PRSS23: variants seen among roughly 807,000 people sequenced by gnomAD.
The protein encoded by PRSS23 is serine protease 23.
Under a neutral mutation model 34.7 loss-of-function variants are expected in PRSS23, and 25 were observed. The ratio of observed to expected loss-of-function variants is 0.72; its 90% CI spans 0.53 to 1.01. The LOEUF (loss-of-function observed/expected upper bound fraction) is 1.01. PRSS23 is among the 50% of genes least tolerant of loss of function. PRSS23 has a pLI of 0.00. For missense variants in PRSS23, 445 were observed against 475.6 expected, an observed-to-expected ratio of 0.94 and a Z score of 0.60; for synonymous variants, 176 against 186.6, an observed-to-expected ratio of 0.94 and a Z score of 0.46.
At chr11:86,898,688 C>T (rs1418309993) in intron 2 of PRSS23, among the ~76,000 whole-genome samples, 2 of 152,156 alleles carry the variant, frequency 1.3e-5, no homozygotes, top group Non-Finnish European at 2.9e-5. Flanking sequence ...GTGCTGAGAC[C>T]ACACAAAGAA....
intron 2 of PRSS23, among the ~76,000 whole-genome samples, chr11:86,907,071 G>A (rs1948948294): frequency 6.6e-6 from 1 of 152,106 alleles, no homozygotes; most frequent in Non-Finnish European, 1.5e-5. Flanking sequence ...TACATCCAGG[G>A]GACAGAATAC....
chr11:86,879,273 C>T (rs534038119), intron 2 of PRSS23, among the ~76,000 whole-genome samples: 5 of 149,210 alleles, frequency 3.4e-5, no homozygotes, highest in East Asian at 4.2e-4. Flanking sequence ...TACCCAGCTG[C>T]GACCCCGTCT....
In PRSS23 at chr11:86,808,672, C is replaced by A. The variant is rs768719925; in HGVS notation, c.1029C>A (p.His343Gln). The change falls in exon 2 of 2, where the codon CAC (histidine) becomes CAA (glutamine). Residue 343 changes from histidine to glutamine, a missense_variant. Transcript: ENST00000280258. Reference sequence around the variant, plus strand: ...AAATTATTGGCATTTTTTCAGGGCACCAGTGGGTGGACATGAATGGTTCCC... The same window carrying A: ...AAATTATTGGCATTTTTTCAGGGCAACAGTGGGTGGACATGAATGGTTCCC... The part of the protein sequence containing the change: ...ERKIIGIFSG[H>Q]QWVDMNGSPQ... The A allele has an allele frequency of 1.2e-6, 2 of 1,614,094 alleles. No individual in the cohort carries two copies. Among genetic ancestry groups the A allele is most frequent in the Non-Finnish European group, 1.7e-6 (2 of 1,180,024 alleles).
chr11:86,876,170 A>G (rs894913754), intron 2 of PRSS23, among the ~76,000 whole-genome samples: 4 of 148,736 alleles, frequency 2.7e-5, no homozygotes, highest in Non-Finnish European at 5.9e-5. Flanking sequence ...AGAAGATTGC[A>G]TAGTGGCGGG....
chr11:86,820,948 C>T (rs539780633), intron 1 of PRSS23, among the ~76,000 whole-genome samples: 2 of 152,256 alleles, frequency 1.3e-5, no homozygotes, highest in Admixed American at 6.5e-5. Context: ...CCATGAGTGC[C>T]ACACTGGTGA....
At chr11:86,940,130 C>T (rs1049142818) in intron 2 of PRSS23, among the ~76,000 whole-genome samples, 3 of 152,116 alleles carry the variant, frequency 2.0e-5, no homozygotes, top group African/African-American at 4.8e-5. Flanking sequence ...CTAAATGCTA[C>T]CCTCTCCTCC....
At chr11:86,889,659 T>A (rs535714671) in intron 2 of PRSS23, among the ~76,000 whole-genome samples, 1 of 152,328 alleles carries the variant, frequency 6.6e-6, no homozygotes, top group Non-Finnish European at 1.5e-5. Context: ...TTGTGGATTA[T>A]GGTTCAACAT....
At chr11:86,812,464 G>C (rs1948185554), downstream of PRSS23, among the ~76,000 whole-genome samples, 1 of 152,206 alleles carries the variant, frequency 6.6e-6, no homozygotes, top group Admixed American at 6.5e-5. Context: ...CCCCCCGGAG[G>C]AGGAAATAAA....
intron 2 of PRSS23, chr11:86,908,860 C>T (rs1196174345): frequency 6.6e-6 from 1 of 152,058 alleles, no homozygotes; most frequent in Non-Finnish European, 1.5e-5. Flanking sequence ...TAGGTTCACC[C>T]TGGAGCTCGT....
At chr11:86,868,000 C>T (rs964911429) in intron 2 of PRSS23, among the ~76,000 whole-genome samples, 14 of 152,100 alleles carry the variant, frequency 9.2e-5, no homozygotes, top group African/African-American at 2.9e-4. Context: ...GGCCCCTCTT[C>T]ACCTCAGGGA....
chr11:86,952,045 T>G (rs1251905596), exon 3 of PRSS23: 2 of 1,613,962 alleles, frequency 1.2e-6, no homozygotes, highest in Non-Finnish European at 1.7e-6. Context: ...AGGTCAGTAC[T>G]GTGAAGGCAG....
chr11:86,862,493 T>C (rs533289505), intron 2 of PRSS23, among the ~76,000 whole-genome samples: 2 of 152,002 alleles, frequency 1.3e-5, no homozygotes, highest in Non-Finnish European at 2.9e-5. Flanking sequence ...GGGTGTACAC[T>C]CTGTGATAAT....
chr11:86,799,457 C>T (rs1948004952), upstream of PRSS23, among the ~76,000 whole-genome samples: 1 of 152,170 alleles, frequency 6.6e-6, no homozygotes, highest in African/African-American at 2.4e-5. Context: ...TCTTGTCCTA[C>T]CATTCAGTAG....
chr11:86,922,676 A>AT (rs964504782), intron 2 of PRSS23, among the ~76,000 whole-genome samples: 20 of 152,210 alleles, frequency 1.3e-4, no homozygotes, highest in African/African-American at 4.8e-4. Flanking sequence ...TCTCTAGAGA[A>AT]TTTTTTTCTA....
chr11:86,824,153 CAAA>C (rs1197882139), intron 2 of PRSS23, among the ~76,000 whole-genome samples: 1 of 149,392 alleles, frequency 6.7e-6, no homozygotes, highest in Non-Finnish European at 1.5e-5. Flanking sequence ...ACAAAAACTT[CAAA>C]AATTAGCCGG....
intron 2 of PRSS23, among the ~76,000 whole-genome samples, chr11:86,916,197 G>A (rs573165369): frequency 1.5e-4 from 23 of 152,254 alleles, no homozygotes; most frequent in South Asian, 8.3e-4. Context: ...TAAAGTGATT[G>A]TAGTTTAGAC....
At chr11:86,821,586 G>C (rs1333226331) in intron 1 of PRSS23, 6 of 1,607,616 alleles carry the variant, frequency 3.7e-6, no homozygotes, top group Non-Finnish European at 2.5e-6. Context: ...AGTCCGTTTA[G>C]CTCAAGACAG....
At chr11:86,882,314 G>T (rs1369734473) in intron 2 of PRSS23, among the ~76,000 whole-genome samples, 1 of 152,064 alleles carries the variant, frequency 6.6e-6, no homozygotes, top group Non-Finnish European at 1.5e-5. Flanking sequence ...CAGGTATTAA[G>T]TCTAGAACCC....
intron 2 of PRSS23, among the ~76,000 whole-genome samples, chr11:86,827,963 A>G (rs1469003878): frequency 6.6e-6 from 1 of 152,194 alleles, no homozygotes; most frequent in African/African-American, 2.4e-5. Flanking sequence ...AGAAAAATGT[A>G]TATTCTGTTG....
Sources: gnomAD v4.1 joint callset for allele counts (sites outside exome capture counted in the v4.1 genomes callset) on GRCh38, gnomAD v4.1.1 for gene constraint, MANE v1.5 for transcripts, NCBI Gene and HGNC (gene_info 2026-07-23, HGNC 2026-07-21) for gene names.